Variants in MYCBP2 observed in about 807,000 individuals in gnomAD.
MYCBP2 encodes E3 ubiquitin-protein ligase MYCBP2.
Under a neutral mutation model 525.3 loss-of-function variants are expected in MYCBP2, and 120 were observed. That is an observed-to-expected ratio of 0.23 (90% CI 0.20 to 0.27). The LOEUF (loss-of-function observed/expected upper bound fraction) is 0.27. Among genes scored for constraint, MYCBP2 ranks in the 10% least tolerant of loss-of-function variants. The pLI, the probability that MYCBP2 is intolerant of heterozygous loss-of-function variation, is 1.00. For synonymous variants in MYCBP2, 1,894 were observed against 1,955.8 expected (o/e 0.97, Z 0.83); for missense variants, 4,149 against 5,657.1 (o/e 0.73, Z 8.55).
At chr13:77,175,352 T>C (rs1222153093) in intron 36 of MYCBP2, among the ~76,000 whole-genome samples, 3 of 151,796 alleles carry the variant, frequency 2.0e-5, no homozygotes, top group East Asian at 1.9e-4. Context: ...AACTCAGAGA[T>C]AGAAATATAT....
At chr13:77,069,021 G>A (rs1029189241) in intron 69 of MYCBP2, among the ~76,000 whole-genome samples, 190 bp from the exon 70 acceptor site, 4 of 152,136 alleles carry the variant, frequency 2.6e-5, no homozygotes, top group Non-Finnish European at 5.9e-5. Context: ...AGCTAAGGGA[G>A]CCACAATAAA....
chr13:77,121,798 G>A (rs939634194), intron 54 of MYCBP2, among the ~76,000 whole-genome samples: 2 of 152,014 alleles, frequency 1.3e-5, no homozygotes, highest in African/African-American at 4.8e-5. Flanking sequence ...TCTGGACCAG[G>A]AACTCTTTGT....
At chr13:77,209,497 C>T (rs2063725658) in intron 23 of MYCBP2, among the ~76,000 whole-genome samples, 1 of 152,208 alleles carries the variant, frequency 6.6e-6, no homozygotes, top group Non-Finnish European at 1.5e-5. Flanking sequence ...GTAACTAAGT[C>T]TCTTGAACAT....
At chr13:77,240,791 T>TAAA (rs1756481679) in intron 17 of MYCBP2, among the ~76,000 whole-genome samples, 1 of 152,166 alleles carries the variant, frequency 6.6e-6, no homozygotes, top group African/African-American at 2.4e-5. Context: ...CTGTTAATTT[T>TAAA]AGTGCCATGG....
intron 49 of MYCBP2, among the ~76,000 whole-genome samples, chr13:77,141,603 T>G (rs1297478077): frequency 6.6e-6 from 1 of 151,964 alleles, no homozygotes; most frequent in Non-Finnish European, 1.5e-5. Flanking sequence ...AAACCCCATC[T>G]CTACTAAAAA....
At position 77,140,112 on chromosome 13, in the gene MYCBP2, G is replaced by C; in HGVS notation, c.7453C>G (p.Pro2485Ala). Residue 2485 changes from proline to alanine, a missense_variant, in exon 51 of 83, where the codon CCT becomes GCT. Transcript: ENST00000544440. ...DSAGLRIRSH[P>A]SLQSEQIGIV... ...CCTATCTGCTCACTCTGAAGGGAAG[G>C]GTGGCTACGGATGCGAAGCCCCGCA... The C allele has an allele frequency of 1.2e-6, 2 of 1,613,248 alleles. No individual in the cohort carries two copies. The highest frequency in any genetic ancestry group is 2.2e-5 in the East Asian group (1 of 44,834).
intron 18 of MYCBP2, among the ~76,000 whole-genome samples, chr13:77,226,558 A>G (rs1339025538): frequency 6.6e-6 from 1 of 152,204 alleles, no homozygotes; most frequent in African/African-American, 2.4e-5. Flanking sequence ...TAGCAACTCT[A>G]AACAAGTGTG....
intron 35 of MYCBP2, 138 bp from the exon 36 acceptor site, chr13:77,176,766 T>C (rs4885444): frequency 0.96 from 618,556 of 647,702 alleles, 295,821 homozygotes; most frequent in Non-Finnish European, 0.97. Flanking sequence ...CCCATACATA[T>C]GAAAGAAAAA....
intron 44 of MYCBP2, among the ~76,000 whole-genome samples, chr13:77,161,635 C>T (rs2057936331): frequency 6.6e-6 from 1 of 152,194 alleles, no homozygotes; most frequent in South Asian, 2.1e-4. Context: ...TTCTGCAAGC[C>T]ATCCTCCGCA....
intron 74 of MYCBP2, 69 bp downstream of exon 74, chr13:77,062,527 G>C: frequency 7.5e-7 from 1 of 1,339,248 alleles, no homozygotes; most frequent in South Asian, 1.2e-5. Context: ...TTGTTTGTTT[G>C]TTTTTAAGCT....
At chr13:77,282,272 T>C in intron 3 of MYCBP2, among the ~76,000 whole-genome samples, 1 of 152,024 alleles carries the variant, frequency 6.6e-6, no homozygotes. Context: ...TAGCCAGGCA[T>C]GGTGGCGCAT....
At chr13:77,252,977 C>T (rs1041655163) in intron 14 of MYCBP2, among the ~76,000 whole-genome samples, 3 of 151,972 alleles carry the variant, frequency 2.0e-5, no homozygotes, top group Non-Finnish European at 4.4e-5. Flanking sequence ...GCAAATAAAG[C>T]TGGTTCTAAT....
At chr13:77,215,580 T>C (rs1179351698) in intron 21 of MYCBP2, among the ~76,000 whole-genome samples, 1 of 151,972 alleles carries the variant, frequency 6.6e-6, no homozygotes. Flanking sequence ...GAAGTCACAG[T>C]GGGGTTCTTT....
intron 43 of MYCBP2, among the ~76,000 whole-genome samples, chr13:77,162,923 G>C (rs899003793): frequency 6.6e-6 from 1 of 152,130 alleles, no homozygotes; most frequent in African/African-American, 2.4e-5. Context: ...ACAAAGTGCT[G>C]GGATTACAGG....
chr13:77,161,844 T>C, intron 44 of MYCBP2, 62 bp downstream of exon 44: 1 of 1,284,594 alleles, frequency 7.8e-7, no homozygotes, highest in South Asian at 1.3e-5. Flanking sequence ...TAGGCTGATC[T>C]GAGTGACAAT....
intron 32 of MYCBP2, among the ~76,000 whole-genome samples, chr13:77,183,541 CTT>C (rs60927409): frequency 0.01 from 665 of 65,856 alleles, no homozygotes; most frequent in Middle Eastern, 0.026. Flanking sequence ...GTCCCTATTT[CTT>C]TTTTTTTTTT....
At chr13:77,232,661 T>A (rs1443265324) in intron 18 of MYCBP2, among the ~76,000 whole-genome samples, 1 of 152,154 alleles carries the variant, frequency 6.6e-6, no homozygotes, top group African/African-American at 2.4e-5. Flanking sequence ...CATCAAATAT[T>A]TGTATATTCA....
intron 55 of MYCBP2, among the ~76,000 whole-genome samples, chr13:77,116,145 T>C (rs1249807071): frequency 1.3e-5 from 2 of 151,978 alleles, no homozygotes; most frequent in African/African-American, 4.8e-5. Flanking sequence ...CAAATGAGGC[T>C]GTATCAAAGT....
intron 18 of MYCBP2, 47 bp from the exon 19 acceptor site, chr13:77,225,601 T>G: frequency 1.9e-6 from 3 of 1,599,380 alleles, no homozygotes; most frequent in Middle Eastern, 1.7e-4. Context: ...ATTATTCATC[T>G]TCAAAATAAA....
Sources: allele counts gnomAD v4.1 joint callset (sites outside exome capture counted in the v4.1 genomes callset), GRCh38; gene constraint gnomAD v4.1.1; transcripts MANE v1.5; gene names NCBI Gene and HGNC (gene_info 2026-07-23, HGNC 2026-07-21).